Variants in KIF21A observed in about 807,000 individuals in gnomAD.
KIF21A encodes kinesin family member 21A.
KIF21A carries 114 observed loss-of-function variants against 202.9 expected under a neutral mutation model. The ratio of observed to expected loss-of-function variants is 0.56; its 90% confidence interval spans 0.48 to 0.66. The LOEUF (loss-of-function observed/expected upper bound fraction) is 0.66. Among genes scored for constraint, KIF21A ranks in the 30% least tolerant of loss-of-function variants. The probability of loss-of-function intolerance (pLI) is 0.00; values close to 1 mark genes in which losing one functional copy is unlikely to be tolerated. For synonymous variants in KIF21A, 667 were observed against 670.8 expected (o/e 0.99, Z 0.09); for missense variants, 1,677 against 1,994.9 (o/e 0.84, Z 3.04).
chr12:39,329,082 T>TA (rs1946252729), intron 24 of KIF21A, among the ~76,000 whole-genome samples: 1 of 152,242 alleles, frequency 6.6e-6, no homozygotes, highest in South Asian at 2.1e-4. Flanking sequence ...GGAGAACAAC[T>TA]AAATGATTTT....
intron 10 of KIF21A, 85 bp downstream of exon 10, chr12:39,356,747 A>G (rs1948802968): frequency 1.4e-6 from 1 of 713,246 alleles, no homozygotes. Flanking sequence ...ACTGTTGAAC[A>G]CTAAGCCCAA....
At chr12:39,330,209 C>T in intron 24 of KIF21A, 33 bp downstream of exon 24, 2 of 1,586,876 alleles carry the variant, frequency 1.3e-6, no homozygotes, top group Admixed American at 1.7e-5. Context: ...ATTCATGCAG[C>T]TGTAGGATAC....
intron 24 of KIF21A, 143 bp downstream of exon 24, chr12:39,330,099 A>G: frequency 1.4e-6 from 1 of 717,158 alleles, no homozygotes; most frequent in Non-Finnish European, 2.5e-6. Flanking sequence ...GTTTGTGGGC[A>G]TGGATACATT....
At chr12:39,376,586 G>A (rs1013118904) in intron 1 of KIF21A, among the ~76,000 whole-genome samples, 1 of 152,006 alleles carries the variant, frequency 6.6e-6, no homozygotes, top group Admixed American at 6.6e-5. Context: ...AGCTACTGAA[G>A]GAATGCTGAC....
At chr12:39,341,838 C>A (rs1430480650) in intron 13 of KIF21A, among the ~76,000 whole-genome samples, 196 bp downstream of exon 13, 2 of 152,122 alleles carry the variant, frequency 1.3e-5, no homozygotes, top group Admixed American at 1.3e-4. Flanking sequence ...CAACACAATG[C>A]TTTCACAATA....
intron 17 of KIF21A, among the ~76,000 whole-genome samples, 178 bp downstream of exon 17, chr12:39,336,918 T>C (rs1947024655): frequency 6.6e-6 from 1 of 152,216 alleles, no homozygotes; most frequent in Non-Finnish European, 1.5e-5. Flanking sequence ...TGAACTCTTA[T>C]ACTGAATTAC....
intron 1 of KIF21A, among the ~76,000 whole-genome samples, chr12:39,438,309 A>C (rs1939098663): frequency 6.6e-6 from 1 of 152,190 alleles, no homozygotes; most frequent in African/African-American, 2.4e-5. Flanking sequence ...TGAAATATTA[A>C]AATAGTTCCT....
At chr12:39,325,808 A>C in intron 26 of KIF21A, 31 bp downstream of exon 26, 1 of 1,509,054 alleles carries the variant, frequency 6.6e-7, no homozygotes, top group Non-Finnish European at 9.2e-7. Flanking sequence ...GGTGTAAAAC[A>C]TGTTTACCTG....
intron 36 of KIF21A, 73 bp from the exon 37 acceptor site, chr12:39,301,752 GAAAAACA>G: frequency 1.5e-6 from 2 of 1,306,914 alleles, no homozygotes; most frequent in Non-Finnish European, 2.2e-6. Context: ...AAAATAAACT[GAAAAACA>G]TTTTATTGCC....
At chr12:39,318,686 A>G (rs558192823) in intron 28 of KIF21A, among the ~76,000 whole-genome samples, 1 of 152,322 alleles carries the variant, frequency 6.6e-6, no homozygotes, top group African/African-American at 2.4e-5. Context: ...AAGGGTGATA[A>G]GAAGGATAAT....
chr12:39,330,159 A>C (rs938367231), intron 24 of KIF21A, 83 bp downstream of exon 24: 1 of 1,334,246 alleles, frequency 7.5e-7, no homozygotes, highest in African/African-American at 1.4e-5. Flanking sequence ...AAATCTTTAA[A>C]ATAAGATGTA....
At chr12:39,379,991 G>A (rs1017889111) in intron 1 of KIF21A, among the ~76,000 whole-genome samples, 5 of 152,034 alleles carry the variant, frequency 3.3e-5, no homozygotes, top group African/African-American at 4.8e-5. Context: ...TTTAAGAGAC[G>A]GAGTCTCCCT....
At chr12:39,399,897 T>C (rs1566165034) in intron 1 of KIF21A, among the ~76,000 whole-genome samples, 1 of 152,244 alleles carries the variant, frequency 6.6e-6, no homozygotes, top group Admixed American at 6.5e-5. Context: ...AATATATTTT[T>C]ATGTGACTCC....
Position 39,305,525 on chromosome 12 carries a change from T to C in KIF21A, c.4443-587A>G, listed in dbSNP as rs184044953. On this transcript the variant is annotated intron_variant, in intron 34 of 37. Transcript: ENST00000361418. ...CAACTTCCCCAGTAGCTGGGACTTA[T>C]AGGTGTGCATCACCAGCTTTTTTCA... Among the ~76,000 whole-genome samples, 500 of 152,238 alleles carry C rather than the reference T, an allele frequency of 3.3e-3. 3 individuals are homozygous for C. The highest frequency in any genetic ancestry group is 0.023 in the South Asian group (111 of 4,820).
At chr12:39,324,957 C>T (rs996235672) in intron 26 of KIF21A, among the ~76,000 whole-genome samples, 1 of 152,202 alleles carries the variant, frequency 6.6e-6, no homozygotes, top group Non-Finnish European at 1.5e-5. Context: ...AAATCACCTA[C>T]TATCAAATGC....
chr12:39,389,582 T>G (rs1951198741), intron 1 of KIF21A, among the ~76,000 whole-genome samples: 1 of 152,180 alleles, frequency 6.6e-6, no homozygotes, highest in African/African-American at 2.4e-5. Flanking sequence ...GTGAGCAATT[T>G]ATACCATAAA....
chr12:39,426,697 A>G (rs558393888), intron 1 of KIF21A, among the ~76,000 whole-genome samples: 1 of 148,966 alleles, frequency 6.7e-6, no homozygotes, highest in South Asian at 2.1e-4. Flanking sequence ...ACATGGTGAA[A>G]CCCCATCTCT....
intron 7 of KIF21A, among the ~76,000 whole-genome samples, chr12:39,360,338 T>C (rs1346741468): frequency 3.3e-5 from 5 of 152,072 alleles, no homozygotes; most frequent in Admixed American, 2.0e-4. Flanking sequence ...ATACTACACA[T>C]CTTGAAAATG....
At chr12:39,382,354 T>C (rs928637222) in intron 1 of KIF21A, among the ~76,000 whole-genome samples, 1 of 152,156 alleles carries the variant, frequency 6.6e-6, no homozygotes, top group Non-Finnish European at 1.5e-5. Flanking sequence ...CATGATAAGA[T>C]GAAATAAGAT....
Sources: gnomAD v4.1 joint callset for allele counts (sites outside exome capture counted in the v4.1 genomes callset) on GRCh38, gnomAD v4.1.1 for gene constraint, MANE v1.5 for transcripts, NCBI Gene and HGNC (gene_info 2026-07-23, HGNC 2026-07-21) for gene names.